Variants in PLA2G4E observed in about 807,000 individuals in gnomAD.
PLA2G4E encodes the protein phospholipase A2 group IVE.
In PLA2G4E, 84 loss-of-function variants were observed where a neutral mutation model predicts 109.1. That is an observed-to-expected ratio of 0.77 (90% CI 0.65 to 0.92). The LOEUF (loss-of-function observed/expected upper bound fraction) is 0.92. PLA2G4E is among the 40% of genes least tolerant of loss of function. The probability of loss-of-function intolerance (pLI) is 0.00; values close to 1 mark genes in which losing one functional copy is unlikely to be tolerated. For synonymous variants in PLA2G4E, 469 were observed against 436.1 expected (o/e 1.08, Z -0.94); for missense variants, 1,057 against 1,076.6 (o/e 0.98, Z 0.25).
At chr15:41,990,097 T>A in intron 14 of PLA2G4E, 24 bp downstream of exon 14, 1 of 1,595,922 alleles carries the variant, frequency 6.3e-7, no homozygotes, top group Non-Finnish European at 8.6e-7. Context: ...ACCCCACTTG[T>A]AAATCACCAG....
intron 1 of PLA2G4E, among the ~76,000 whole-genome samples, chr15:42,041,150 C>T (rs560198910): frequency 6.6e-6 from 1 of 152,224 alleles, no homozygotes; most frequent in South Asian, 2.1e-4. Flanking sequence ...CTTGCACTGC[C>T]TTTGACTCAG....
chr15:42,040,739 C>A (rs72726102), intron 1 of PLA2G4E, among the ~76,000 whole-genome samples: 11,661 of 152,160 alleles, frequency 0.077, 480 homozygotes, highest in South Asian at 0.13. Context: ...TGTGTATGTC[C>A]GCAGTTCCAG....
chr15:41,989,654 A>G (rs1201389582), intron 14 of PLA2G4E, 102 bp from the exon 15 acceptor site: 1 of 1,446,344 alleles, frequency 6.9e-7, no homozygotes, highest in African/African-American at 1.4e-5. Flanking sequence ...GGCCTTGGAA[A>G]GCCTGGGACA....
chr15:42,044,396 C>T (rs1889374977), intron 1 of PLA2G4E, among the ~76,000 whole-genome samples: 1 of 151,834 alleles, frequency 6.6e-6, no homozygotes, highest in South Asian at 2.1e-4. Flanking sequence ...AAAAGGCTGG[C>T]GTGTTCAGAA....
At chr15:41,984,371 A>C in intron 19 of PLA2G4E, 65 bp downstream of exon 19, 1 of 1,489,700 alleles carries the variant, frequency 6.7e-7, no homozygotes, top group Non-Finnish European at 9.2e-7. Context: ...GAGACTCTAC[A>C]GATCTAAAGG....
At chr15:41,994,895 T>C (rs573675668) in intron 12 of PLA2G4E, among the ~76,000 whole-genome samples, 3 of 152,388 alleles carry the variant, frequency 2.0e-5, no homozygotes, top group African/African-American at 7.2e-5. Context: ...GTGGGTAAGC[T>C]GACCTCACCC....
intron 1 of PLA2G4E, among the ~76,000 whole-genome samples, chr15:42,041,856 A>C (rs749257917): frequency 6.6e-6 from 1 of 152,220 alleles, no homozygotes; most frequent in African/African-American, 2.4e-5. Context: ...TGCTCCTGAC[A>C]GGGCAGATGC....
chr15:41,993,800 CT>C, intron 12 of PLA2G4E, among the ~76,000 whole-genome samples: 1 of 152,274 alleles, frequency 6.6e-6, no homozygotes, highest in Non-Finnish European at 1.5e-5. Context: ...GGTCAGGAGA[CT>C]TTTCAACAAA....
chr15:42,050,572 C>T (rs893652183), exon 1 of PLA2G4E: 2 of 1,550,596 alleles, frequency 1.3e-6, no homozygotes, highest in Non-Finnish European at 1.7e-6. Context: ...CAGGAGTGTC[C>T]AGGTCCTGTG....
chr15:41,988,021 G>A, intron 16 of PLA2G4E, 28 bp downstream of exon 16: 1 of 1,533,994 alleles, frequency 6.5e-7, no homozygotes, highest in South Asian at 1.2e-5. Flanking sequence ...CCATCACCCA[G>A]CCATGAGGGA....
chr15:42,049,085 C>A (rs1343798448), intron 1 of PLA2G4E, among the ~76,000 whole-genome samples: 2 of 152,186 alleles, frequency 1.3e-5, no homozygotes, highest in African/African-American at 4.8e-5. Flanking sequence ...AGAACGGAGG[C>A]AGAGTCAGGA....
At chr15:41,988,093 T>C (rs1232813467) in exon 16 of PLA2G4E, 1 of 1,608,226 alleles carries the variant, frequency 6.2e-7, no homozygotes, top group Non-Finnish European at 8.5e-7. Flanking sequence ...GAAAAACTCC[T>C]CCGAGGTGTG....
chr15:41,988,003 G>A (rs1315840417), intron 16 of PLA2G4E, 46 bp downstream of exon 16: 7 of 1,439,940 alleles, frequency 4.9e-6, no homozygotes, highest in African/African-American at 1.4e-5. Context: ...AGGGAAAGCC[G>A]GTGTCACCCA....
intron 1 of PLA2G4E, among the ~76,000 whole-genome samples, chr15:42,023,903 C>T (rs992296967): frequency 3.9e-5 from 6 of 152,132 alleles, no homozygotes; most frequent in African/African-American, 7.2e-5. Flanking sequence ...AAGTTTCTTC[C>T]CCCACATCCT....
intron 11 of PLA2G4E, among the ~76,000 whole-genome samples, chr15:41,996,112 C>T (rs557076077): frequency 1.3e-5 from 2 of 152,010 alleles, no homozygotes; most frequent in South Asian, 4.2e-4. Flanking sequence ...TTTGGGGGGC[C>T]GAGGTGGGCA....
In PLA2G4E at chr15:42,007,723, T is replaced by C; in HGVS notation, c.393+6A>G. ...GGGAAGACAGGTGCAGTCCTCCATGTCTCACCTTCACTCGGCTCTGGATCT... is the reference window on the plus strand; with the variant it reads ...GGGAAGACAGGTGCAGTCCTCCATGCCTCACCTTCACTCGGCTCTGGATCT... On this transcript the variant is annotated splice_donor_region_variant and intron_variant, in intron 3 of 19. Transcript: ENST00000399518. 1.9e-6 allele frequency: 3 copies of C among 1,611,010 alleles called. No individual in the cohort carries two copies. Among genetic ancestry groups the C allele is most frequent in the Non-Finnish European group, 2.5e-6 (3 of 1,178,626 alleles).
chr15:42,009,464 C>A (rs2068510249), intron 2 of PLA2G4E, among the ~76,000 whole-genome samples: 1 of 152,200 alleles, frequency 6.6e-6, no homozygotes, highest in Non-Finnish European at 1.5e-5. Context: ...AGAGAAGCCA[C>A]AAGGAGCTTT....
At position 42,013,735 on chromosome 15, in the gene PLA2G4E, AG is replaced by A. The variant is rs2068561219; in HGVS notation, c.205del (p.Leu69CysfsTer2). On this transcript the variant is annotated frameshift_variant, in exon 2 of 20. Transcript: ENST00000399518. LOFTEE classifies it high-confidence loss of function. ...CATCCGGATGACCCTCACTGTCAACAGGTGGCATGGAGACAGCCCCTCCTGT... is the reference window on the plus strand; with the variant it reads ...CATCCGGATGACCCTCACTGTCAACAGTGGCATGGAGACAGCCCCTCCTGT... 6 of 1,550,534 alleles carry A rather than the reference AG, an allele frequency of 3.9e-6. No individual in the cohort carries two copies. The highest frequency in any genetic ancestry group is 2.7e-5 in the African/African-American group (2 of 73,024).
intron 1 of PLA2G4E, among the ~76,000 whole-genome samples, chr15:42,026,736 G>T (rs1032670811): frequency 6.6e-6 from 1 of 152,176 alleles, no homozygotes; most frequent in Non-Finnish European, 1.5e-5. Context: ...ACTGTGAGAG[G>T]CCGAGGTGGG....
Sources: gnomAD v4.1 joint callset for allele counts (sites outside exome capture counted in the v4.1 genomes callset) on GRCh38, gnomAD v4.1.1 for gene constraint, MANE v1.5 for transcripts, NCBI Gene and HGNC (gene_info 2026-07-23, HGNC 2026-07-21) for gene names.